The following DAB1 variants were observed in gnomAD, a reference collection of about 807,000 sequenced individuals.
The protein encoded by DAB1 is disabled homolog 1.
In DAB1, 15 loss-of-function variants were observed where a neutral mutation model predicts 64.6. The observed-to-expected ratio is 0.23, with a 90% CI of 0.16 to 0.36. The LOEUF is 0.36. Among genes scored for constraint, DAB1 ranks in the 10% least tolerant of loss-of-function variants. DAB1 has a pLI of 1.00. For missense variants in DAB1, 596 were observed against 706.7 expected, an observed-to-expected ratio of 0.84 and a Z score of 1.78; for synonymous variants, 235 against 251.9, an observed-to-expected ratio of 0.93 and a Z score of 0.64.
intron 5 of DAB1, among the ~76,000 whole-genome samples, chr1:58,075,769 C>G (rs1203903891): frequency 6.6e-6 from 1 of 152,160 alleles, no homozygotes; most frequent in Non-Finnish European, 1.5e-5. Flanking sequence ...CCTGTATTCC[C>G]CTCTGTGTGT....
At chr1:58,339,218 C>A (rs962460646) in intron 4 of DAB1, among the ~76,000 whole-genome samples, 4 of 151,972 alleles carry the variant, frequency 2.6e-5, no homozygotes, top group African/African-American at 9.7e-5. Context: ...AACTACAAGA[C>A]GAAACTTGTT....
At chr1:57,096,718 A>G (rs1654201738) in intron 4 of DAB1, among the ~76,000 whole-genome samples, 1 of 152,146 alleles carries the variant, frequency 6.6e-6, no homozygotes, top group African/African-American at 2.4e-5. Flanking sequence ...TACTTTCTGA[A>G]ATTAACTTTT....
At position 57,225,623 on chromosome 1, in the gene DAB1, C is replaced by A. The variant is rs180883691; in HGVS notation, c.67+65341G>T. Among the ~76,000 whole-genome samples the A allele has an allele frequency of 8.7e-4, 133 of 152,178 alleles. 2 individuals carry two copies. The highest frequency in any genetic ancestry group is 4.1e-4 in the South Asian group (2 of 4,822). ...GGTAAGAGATGACAACAGATAAATT[C>A]AATATAAAGTCATAATGGGTATGAT... On this transcript the variant is annotated intron_variant, in intron 2 of 14. Transcript: ENST00000371236.
At chr1:58,047,647 C>T (rs1647326996) in intron 5 of DAB1, among the ~76,000 whole-genome samples, 1 of 152,174 alleles carries the variant, frequency 6.6e-6, no homozygotes, top group South Asian at 2.1e-4. Context: ...AAAGTAATCA[C>T]ATTGAATTAC....
At chr1:58,439,104 C>T (rs980372519) in intron 3 of DAB1, among the ~76,000 whole-genome samples, 5 of 142,044 alleles carry the variant, frequency 3.5e-5, no homozygotes, top group Non-Finnish European at 6.2e-5. Context: ...ACCCACCCAA[C>T]GTCATAGCCT....
chr1:57,009,790 C>T (rs1029986533), intron 14 of DAB1, among the ~76,000 whole-genome samples: 9 of 152,178 alleles, frequency 5.9e-5, no homozygotes, highest in African/African-American at 2.2e-4. Context: ...AGAAGGTTTG[C>T]TTCATCAGCT....
chr1:57,357,553 G>T (rs1679212933), intron 1 of DAB1, among the ~76,000 whole-genome samples: 1 of 107,230 alleles, frequency 9.3e-6, no homozygotes, highest in Admixed American at 9.7e-5. Flanking sequence ...TATTGTAAAT[G>T]GGATTGTTTT....
intron 7 of DAB1, among the ~76,000 whole-genome samples, chr1:57,557,503 T>C (rs1261327562): frequency 6.6e-6 from 1 of 152,106 alleles, no homozygotes; most frequent in African/African-American, 2.4e-5. Context: ...TCTGTACCTC[T>C]AGAAAACCCT....
In DAB1 at chr1:58,404,955, C is replaced by T. The variant is rs939703873; in HGVS notation, n.258-61552G>A. 2.0e-5 allele frequency among the ~76,000 whole-genome samples: 3 copies of T among 152,236 alleles called. No homozygotes were observed. In the South Asian group the frequency reaches 6.2e-4, roughly 32 times the overall value. Reference sequence around the variant, plus strand: ...AATCTTCCAATTGGGCTGGTGGTCCCGGCTGTGCCCTATTAGGCTTTCCAG... The same window carrying T: ...AATCTTCCAATTGGGCTGGTGGTCCTGGCTGTGCCCTATTAGGCTTTCCAG... On this transcript the variant is annotated intron_variant and non_coding_transcript_variant, in intron 3 of 20. Transcript: ENST00000485760.
At chr1:57,772,979 T>C (rs552979982) in intron 6 of DAB1, among the ~76,000 whole-genome samples, 1 of 152,142 alleles carries the variant, frequency 6.6e-6, no homozygotes, top group South Asian at 2.1e-4. Flanking sequence ...GAATACCATG[T>C]GTAAATGAAT....
chr1:57,564,033 C>A (rs1048616014), intron 7 of DAB1, among the ~76,000 whole-genome samples: 1 of 152,154 alleles, frequency 6.6e-6, no homozygotes, highest in African/African-American at 2.4e-5. Context: ...CTGGGAGGCA[C>A]CCCCAGTAGG....
intron 10 of DAB1, among the ~76,000 whole-genome samples, chr1:57,024,054 A>G (rs1186120396): frequency 6.6e-6 from 1 of 152,024 alleles, no homozygotes; most frequent in Non-Finnish European, 1.5e-5. Flanking sequence ...CCCACTCAAG[A>G]CCTACTGTGT....
intron 5 of DAB1, among the ~76,000 whole-genome samples, chr1:58,096,241 C>A (rs762744008): frequency 5.5e-4 from 84 of 152,210 alleles, no homozygotes; most frequent in Non-Finnish European, 9.1e-4. Flanking sequence ...GTGTCTCTGC[C>A]TCTGGCAGTA....
intron 7 of DAB1, among the ~76,000 whole-genome samples, chr1:57,555,733 C>T (rs971739952): frequency 2.6e-5 from 4 of 152,150 alleles, no homozygotes; most frequent in African/African-American, 9.6e-5. Flanking sequence ...GAACCTACAA[C>T]TTGAATGTAG....
intron 5 of DAB1, among the ~76,000 whole-genome samples, chr1:58,112,709 C>A (rs539408791): frequency 7.9e-5 from 12 of 152,144 alleles, no homozygotes; most frequent in Non-Finnish European, 2.9e-5. Context: ...ATACATGTTT[C>A]CTAAATGAAT....
At chr1:58,469,166 T>A (rs1222431212) in intron 3 of DAB1, among the ~76,000 whole-genome samples, 1 of 152,218 alleles carries the variant, frequency 6.6e-6, no homozygotes, top group Non-Finnish European at 1.5e-5. Context: ...CTGCCAGGAA[T>A]CTGCCATCAG....
intron 5 of DAB1, among the ~76,000 whole-genome samples, chr1:58,102,843 G>A (rs1303255130): frequency 6.6e-6 from 1 of 152,182 alleles, no homozygotes; most frequent in African/African-American, 2.4e-5. Flanking sequence ...ACAACATTAT[G>A]CAGAGTAGAA....
chr1:58,050,431 T>A (rs930816479), intron 5 of DAB1, among the ~76,000 whole-genome samples: 2 of 152,220 alleles, frequency 1.3e-5, no homozygotes, highest in East Asian at 3.8e-4. Flanking sequence ...GATTTTGGAC[T>A]AGACATATGG....
At chr1:58,539,502 T>C (rs1376574360) in intron 1 of DAB1, among the ~76,000 whole-genome samples, 1 of 152,088 alleles carries the variant, frequency 6.6e-6, no homozygotes, top group East Asian at 1.9e-4. Flanking sequence ...TACCACGATA[T>C]TTACTATGCA....
Sources: gnomAD v4.1 joint callset for allele counts (sites outside exome capture counted in the v4.1 genomes callset) on GRCh38, gnomAD v4.1.1 for gene constraint, MANE v1.5 for transcripts, NCBI Gene and HGNC (gene_info 2026-07-23, HGNC 2026-07-21) for gene names.